Variants in ZNF385D observed in about 807,000 individuals in gnomAD.
The protein encoded by ZNF385D is zinc finger protein 659.
In ZNF385D, 15 loss-of-function variants were observed where a neutral mutation model predicts 35.8. That is an observed-to-expected ratio of 0.42 (90% CI 0.28 to 0.64). ZNF385D has a LOEUF of 0.64. ZNF385D is among the 30% of genes least tolerant of loss of function. The pLI is 0.23. For synonymous variants in ZNF385D, 212 were observed against 186.8 expected (o/e 1.13, Z -1.10); for missense variants, 474 against 494.6 (o/e 0.96, Z 0.39).
rs114504725 is a variant in ZNF385D, at chr3:21,892,639, T to G, written c.326-227611A>C. 9.3e-3 allele frequency among the ~76,000 whole-genome samples: 1,415 copies of G among 152,278 alleles called. 20 individuals are homozygous for G. The highest frequency in any genetic ancestry group is 0.033 in the African/African-American group (1,355 of 41,578). On this transcript the variant is annotated intron_variant, in intron 3 of 5. Transcript: ENST00000494108. ...TATTTATTTGCAAAGGAGCTAAACA[T>G]AGGTCTTTAACAGACTTTAAATTTA...
chr3:21,441,313 A>T (rs1396697593), intron 4 of ZNF385D, among the ~76,000 whole-genome samples: 1 of 152,170 alleles, frequency 6.6e-6, no homozygotes, highest in East Asian at 1.9e-4. Flanking sequence ...CTCATAAAAA[A>T]CAAGAGGTGC....
chr3:21,710,147 G>A (rs980674065), intron 1 of ZNF385D, among the ~76,000 whole-genome samples: 4 of 152,068 alleles, frequency 2.6e-5, no homozygotes, highest in Non-Finnish European at 4.4e-5. Flanking sequence ...ATGGGGGTAT[G>A]GTTTAGAATA....
intron 3 of ZNF385D, among the ~76,000 whole-genome samples, chr3:22,080,545 T>C (rs908331242): frequency 2.0e-5 from 3 of 152,084 alleles, no homozygotes; most frequent in Non-Finnish European, 4.4e-5. Flanking sequence ...CTTTATAAAC[T>C]CTTATACATA....
At chr3:21,971,723 A>G (rs1442923797) in intron 3 of ZNF385D, among the ~76,000 whole-genome samples, 3 of 151,860 alleles carry the variant, frequency 2.0e-5, no homozygotes, top group African/African-American at 7.2e-5. Flanking sequence ...CAAGAAACAC[A>G]TTTCACCTAT....
chr3:22,264,778 C>T (rs190456129), intron 2 of ZNF385D, among the ~76,000 whole-genome samples: 2 of 152,002 alleles, frequency 1.3e-5, no homozygotes, highest in Admixed American at 6.6e-5. Flanking sequence ...CAATGAACTG[C>T]ATTGAAATAA....
chr3:21,435,320 C>T (rs572155523), intron 5 of ZNF385D, among the ~76,000 whole-genome samples: 7 of 139,558 alleles, frequency 5.0e-5, no homozygotes, highest in South Asian at 2.3e-4. Context: ...TGCAGTGGCG[C>T]GATCATGGCT....
chr3:21,629,493 G>T (rs751737821), intron 2 of ZNF385D, among the ~76,000 whole-genome samples: 110 of 152,226 alleles, frequency 7.2e-4, no homozygotes, highest in Admixed American at 1.2e-3. Context: ...AAAGAATAAA[G>T]ACATGAAAAA....
intron 3 of ZNF385D, among the ~76,000 whole-genome samples, chr3:22,132,646 A>G (rs1703869045): frequency 6.6e-6 from 1 of 152,112 alleles, no homozygotes; most frequent in Non-Finnish European, 1.5e-5. Context: ...GATGAACTGT[A>G]GAAACGTTAC....
chr3:21,434,792 A>G (rs1197741396), intron 5 of ZNF385D, among the ~76,000 whole-genome samples: 1 of 152,140 alleles, frequency 6.6e-6, no homozygotes, highest in East Asian at 1.9e-4. Context: ...CAAACAGAAA[A>G]AGATCTCAGA....
chr3:22,338,448 T>G (rs1233125777), intron 2 of ZNF385D, among the ~76,000 whole-genome samples: 1 of 151,606 alleles, frequency 6.6e-6, no homozygotes, highest in African/African-American at 2.4e-5. Flanking sequence ...GATTGCCCTT[T>G]TTTTGGAAAA....
At chr3:21,557,906 T>A (rs986145814) in intron 3 of ZNF385D, among the ~76,000 whole-genome samples, 1 of 152,180 alleles carries the variant, frequency 6.6e-6, no homozygotes, top group Non-Finnish European at 1.5e-5. Context: ...CAGGAATTTA[T>A]CCATTTCTTC....
At chr3:22,231,989 G>T (rs554065178) in intron 2 of ZNF385D, among the ~76,000 whole-genome samples, 9 of 152,158 alleles carry the variant, frequency 5.9e-5, no homozygotes, top group Admixed American at 3.3e-4. Context: ...CACCATGATT[G>T]TAAGTTTCCT....
intron 3 of ZNF385D, among the ~76,000 whole-genome samples, chr3:21,854,084 T>C (rs1696568683): frequency 6.6e-6 from 1 of 151,926 alleles, no homozygotes; most frequent in Non-Finnish European, 1.5e-5. Context: ...GAAATTAAAC[T>C]GCAATAAAAT....
chr3:21,702,133 C>A (rs912831739), intron 1 of ZNF385D, among the ~76,000 whole-genome samples: 1 of 152,232 alleles, frequency 6.6e-6, no homozygotes, highest in African/African-American at 2.4e-5. Context: ...ACTGCCCTAG[C>A]AGAGGTTCTC....
chr3:21,848,475 A>G (rs770778574), intron 3 of ZNF385D, among the ~76,000 whole-genome samples: 4 of 151,996 alleles, frequency 2.6e-5, no homozygotes, highest in Non-Finnish European at 4.4e-5. Context: ...GGTTTTTTAA[A>G]AGATAAAATT....
At chr3:22,103,848 G>GA (rs1405425710) in intron 3 of ZNF385D, among the ~76,000 whole-genome samples, 3 of 151,884 alleles carry the variant, frequency 2.0e-5, no homozygotes, top group African/African-American at 7.2e-5. Context: ...CACGGAAAGG[G>GA]AAAATCTCAT....
At chr3:21,631,498 A>G (rs1559474536) in intron 2 of ZNF385D, among the ~76,000 whole-genome samples, 1 of 152,174 alleles carries the variant, frequency 6.6e-6, no homozygotes, top group Non-Finnish European at 1.5e-5. Context: ...AGAAAATACC[A>G]TCTTCAATAT....
In ZNF385D at chr3:21,580,715, C is replaced by T. The variant is rs777822932; in HGVS notation, c.166-16031G>A. Among the ~76,000 whole-genome samples the T allele has an allele frequency of 4.6e-4, 70 of 151,984 alleles. 1 individual carries two copies. The highest frequency in any genetic ancestry group is 3.8e-3 in the Admixed American group (58 of 15,250). Reference sequence around the variant, plus strand: ...TAATATATATATATGAAATTTAGCACATAAGAATATCCTTGTTTTTATGTT... The same window carrying T: ...TAATATATATATATGAAATTTAGCATATAAGAATATCCTTGTTTTTATGTT... On this transcript the variant is annotated intron_variant, in intron 2 of 7. Transcript: ENST00000281523.
At chr3:21,856,205 C>A (rs1222127861) in intron 3 of ZNF385D, among the ~76,000 whole-genome samples, 1 of 152,024 alleles carries the variant, frequency 6.6e-6, no homozygotes, top group Non-Finnish European at 1.5e-5. Context: ...CTCCTACTTC[C>A]TTGATCACCG....
Sources: allele counts gnomAD v4.1 joint callset (sites outside exome capture counted in the v4.1 genomes callset), GRCh38; gene constraint gnomAD v4.1.1; transcripts MANE v1.5; gene names NCBI Gene and HGNC (gene_info 2026-07-23, HGNC 2026-07-21).